The following HHAT variants were observed in gnomAD, a reference collection of about 807,000 sequenced individuals.
HHAT encodes the protein protein-cysteine N-palmitoyltransferase HHAT.
HHAT carries 47 observed loss-of-function variants against 70.8 expected under a neutral mutation model. The ratio of observed to expected loss-of-function variants is 0.66; its 90% CI spans 0.53 to 0.85. HHAT has a LOEUF of 0.85. Ranked by LOEUF, HHAT falls within the 40% of genes least tolerant of loss-of-function variation. The pLI is 0.00. For missense variants in HHAT, 609 were observed against 604.8 expected, an observed-to-expected ratio of 1.01 and a Z score of -0.07; for synonymous variants, 228 against 247.6, an observed-to-expected ratio of 0.92 and a Z score of 0.74.
chr1:210,533,708 G>C (rs1033479825), intron 9 of HHAT, among the ~76,000 whole-genome samples: 1 of 152,106 alleles, frequency 6.6e-6, no homozygotes, highest in African/African-American at 2.4e-5. Context: ...GCTTTAAATT[G>C]GGGATCTTTA....
At chr1:210,571,470 C>T (rs1315482341) in intron 9 of HHAT, among the ~76,000 whole-genome samples, 1 of 152,130 alleles carries the variant, frequency 6.6e-6, no homozygotes, top group Non-Finnish European at 1.5e-5. Flanking sequence ...GCACATCTTT[C>T]ATTTGGACCC....
intron 11 of HHAT, among the ~76,000 whole-genome samples, chr1:210,644,753 A>G (rs1673693074): frequency 6.6e-6 from 1 of 152,146 alleles, no homozygotes; most frequent in Admixed American, 6.6e-5. Flanking sequence ...CACTTTTGCC[A>G]TATAGTAAGG....
chr1:210,556,540 A>G (rs941194954), intron 9 of HHAT, among the ~76,000 whole-genome samples: 2 of 152,174 alleles, frequency 1.3e-5, no homozygotes, highest in African/African-American at 4.8e-5. Flanking sequence ...CTTTCCTCTC[A>G]TCGCCTTTGG....
At chr1:210,559,584 CCTTCAT>C in intron 9 of HHAT, among the ~76,000 whole-genome samples, 1 of 152,334 alleles carries the variant, frequency 6.6e-6, no homozygotes, top group Non-Finnish European at 1.5e-5. Flanking sequence ...GACTCCTAAA[CCTTCAT>C]CTTTCCGCCA....
chr1:210,441,340 G>T (rs894889800), intron 7 of HHAT, among the ~76,000 whole-genome samples: 5 of 152,176 alleles, frequency 3.3e-5, no homozygotes, highest in African/African-American at 1.2e-4. Context: ...GAAGCCTGCT[G>T]GGCCCAGAGG....
intron 11 of HHAT, among the ~76,000 whole-genome samples, chr1:210,648,692 A>G (rs1038118824): frequency 4.6e-5 from 7 of 152,198 alleles, no homozygotes; most frequent in African/African-American, 1.4e-4. Context: ...TCTCCAGAAC[A>G]TGCATTTTCC....
chr1:210,383,955 T>G (rs2090852452), intron 3 of HHAT, among the ~76,000 whole-genome samples: 1 of 152,128 alleles, frequency 6.6e-6, no homozygotes, highest in East Asian at 1.9e-4. Context: ...GGGTTTTTGG[T>G]GTGTCTTCAT....
intron 10 of HHAT, among the ~76,000 whole-genome samples, chr1:210,599,757 C>T (rs1663823394): frequency 6.6e-6 from 1 of 152,116 alleles, no homozygotes; most frequent in Non-Finnish European, 1.5e-5. Flanking sequence ...TCCTCATAGT[C>T]CTGAGTGATA....
chr1:210,338,597 A>G (rs1043988466), intron 1 of HHAT, among the ~76,000 whole-genome samples: 2 of 143,544 alleles, frequency 1.4e-5, no homozygotes, highest in African/African-American at 6.0e-5. Context: ...CTTAATCCTC[A>G]TATCAATCTT....
intron 8 of HHAT, among the ~76,000 whole-genome samples, chr1:210,472,144 T>A (rs2094215758): frequency 6.6e-6 from 1 of 152,230 alleles, no homozygotes; most frequent in Non-Finnish European, 1.5e-5. Flanking sequence ...TCTGTCCCTG[T>A]GTTTGTGCAC....
chr1:210,473,242 A>T (rs1207640973), intron 8 of HHAT, among the ~76,000 whole-genome samples: 1 of 152,054 alleles, frequency 6.6e-6, no homozygotes, highest in Non-Finnish European at 1.5e-5. Flanking sequence ...GTCAGGTTGG[A>T]ATTTGGTATC....
At chr1:210,464,295 T>C (rs375025316) in intron 7 of HHAT, among the ~76,000 whole-genome samples, 1 of 152,260 alleles carries the variant, frequency 6.6e-6, no homozygotes, top group African/African-American at 2.4e-5. Flanking sequence ...TCCTCTTGCC[T>C]GTCACAATAA....
intron 9 of HHAT, among the ~76,000 whole-genome samples, chr1:210,516,156 G>A (rs529908016): frequency 6.6e-6 from 1 of 152,268 alleles, no homozygotes; most frequent in South Asian, 2.1e-4. Context: ...TTTATGACTG[G>A]ACACCTTAGT....
chr1:210,623,448 C>G, intron 10 of HHAT, 78 bp from the exon 11 acceptor site: 1 of 1,545,394 alleles, frequency 6.5e-7, no homozygotes, highest in Admixed American at 1.7e-5. Flanking sequence ...GGGCTGGTGA[C>G]AGAGAAAGCT....
chr1:210,372,612 C>G (rs2089667176), intron 3 of HHAT, among the ~76,000 whole-genome samples: 1 of 152,222 alleles, frequency 6.6e-6, no homozygotes, highest in Non-Finnish European at 1.5e-5. Context: ...GGTACTCCAA[C>G]AAGCATCTTG....
intron 3 of HHAT, among the ~76,000 whole-genome samples, chr1:210,382,037 T>C (rs999821612): frequency 2.0e-5 from 3 of 152,246 alleles, no homozygotes; most frequent in African/African-American, 7.2e-5. Context: ...TTTAGCCATC[T>C]CTTGTGATAA....
chr1:210,635,668 C>G (rs1671741211), intron 11 of HHAT, among the ~76,000 whole-genome samples: 1 of 152,144 alleles, frequency 6.6e-6, no homozygotes, highest in South Asian at 2.1e-4. Flanking sequence ...GTTTTGGTAC[C>G]TCTGAGATGG....
At chr1:210,378,826 A>G (rs781448109) in intron 3 of HHAT, among the ~76,000 whole-genome samples, 1 of 152,152 alleles carries the variant, frequency 6.6e-6, no homozygotes, top group Admixed American at 6.5e-5. Flanking sequence ...ATTTTCCTCC[A>G]TTGAATAGAC....
At chr1:210,557,541 A>T (rs911351657) in intron 9 of HHAT, among the ~76,000 whole-genome samples, 4 of 152,154 alleles carry the variant, frequency 2.6e-5, no homozygotes, top group African/African-American at 7.2e-5. Flanking sequence ...CAAGACTGGG[A>T]ATAAAAAGAG....
Sources: allele counts gnomAD v4.1 joint callset (sites outside exome capture counted in the v4.1 genomes callset), GRCh38; gene constraint gnomAD v4.1.1; transcripts MANE v1.5; gene names NCBI Gene and HGNC (gene_info 2026-07-23, HGNC 2026-07-21).